TRPC5: variants seen among roughly 807,000 people sequenced by gnomAD.
The protein encoded by TRPC5 is short transient receptor potential channel 5.
In TRPC5, 9 loss-of-function variants were observed where a neutral mutation model predicts 56.5. That is an observed-to-expected ratio of 0.16 (90% CI 0.10 to 0.28). TRPC5 has a LOEUF of 0.28. Among genes scored for constraint, TRPC5 ranks in the 10% least tolerant of loss-of-function variants. TRPC5 has a pLI of 1.00. For missense variants in TRPC5, 469 were observed against 748.9 expected, an observed-to-expected ratio of 0.63 and a Z score of 4.36; for synonymous variants, 282 against 278.5, an observed-to-expected ratio of 1.01 and a Z score of -0.13.
chrX:112,007,476 A>G (rs1410170854), intron 1 of TRPC5, among the ~76,000 whole-genome samples: 1 of 111,330 alleles, frequency 9.0e-6, no homozygotes, highest in Non-Finnish European at 1.9e-5. Context: ...CTTTCCTTCA[A>G]TATGCTTTCT....
intron 1 of TRPC5, among the ~76,000 whole-genome samples, chrX:112,023,430 G>A (rs1440762976): frequency 1.8e-5 from 2 of 108,118 alleles, no homozygotes; most frequent in Non-Finnish European, 3.8e-5. Context: ...GACAAAGATC[G>A]TGATTCTGTG....
At chrX:111,931,722 C>G in intron 2 of TRPC5, among the ~76,000 whole-genome samples, 1 of 111,651 alleles carries the variant, frequency 9.0e-6, no homozygotes, top group Non-Finnish European at 1.9e-5. Context: ...ATGGTGGCTA[C>G]AAACATTAAA....
chrX:111,995,411 T>C (rs1285604620), intron 1 of TRPC5, among the ~76,000 whole-genome samples: 4 of 112,071 alleles, frequency 3.6e-5, no homozygotes, highest in Admixed American at 9.5e-5. Flanking sequence ...ATCAGGTATA[T>C]TGGTCTAAAA....
intron 1 of TRPC5, among the ~76,000 whole-genome samples, chrX:112,011,741 A>G (rs1278217381): frequency 9.0e-6 from 1 of 111,043 alleles, no homozygotes; most frequent in African/African-American, 3.3e-5. Context: ...CACTAAGCCA[A>G]AATAGAGCAT....
chrX:111,785,119 G>T (rs934449403), intron 7 of TRPC5, among the ~76,000 whole-genome samples: 1 of 112,431 alleles, frequency 8.9e-6, no homozygotes, highest in East Asian at 2.8e-4. Context: ...TCCTCAAGTG[G>T]GACCCTGACC....
chrX:111,975,810 A>C (rs1354112437), intron 1 of TRPC5, among the ~76,000 whole-genome samples: 1 of 112,120 alleles, frequency 8.9e-6, no homozygotes, highest in Non-Finnish European at 1.9e-5. Flanking sequence ...AGGCTGAGGC[A>C]GGAGAATGGA....
intron 3 of TRPC5, among the ~76,000 whole-genome samples, chrX:111,909,271 A>C (rs1925735486): frequency 9.2e-6 from 1 of 108,397 alleles, no homozygotes; most frequent in Admixed American, 9.9e-5. Context: ...CGGAGGTTGC[A>C]GTAAGCTGAG....
Position 111,776,005 on chromosome X carries a change from G to C in TRPC5, c.*308C>G, listed in dbSNP as rs937377508. On this transcript the variant is annotated 3_prime_UTR_variant, in exon 11 of 11. Coordinates refer to ENST00000262839, the MANE Select transcript of TRPC5 (RefSeq NM_012471.3). ...GGCACCTGGGGCTTCAAGGAAGCAT[G>C]GGTGAGAAAAGCAAAGCAAAAAGGT... 3 of 193,623 alleles carry C rather than the reference G, an allele frequency of 1.5e-5. No homozygotes were observed. The highest frequency in any genetic ancestry group is 8.9e-5 in the African/African-American group (3 of 33,641). 16.0% of individuals were successfully genotyped at this position (193,623 alleles called of 1,213,427 possible). A position where few individuals can be genotyped will look rare whatever the true frequency, so the allele number is the denominator to read the frequency against.
intron 3 of TRPC5, among the ~76,000 whole-genome samples, chrX:111,905,914 C>CA (rs1202912083): frequency 0.04 from 1,466 of 36,861 alleles, 25 homozygotes; most frequent in East Asian, 0.046. Context: ...GTCTCTGTCT[C>CA]AAAAAAAAAA....
At chrX:111,794,742 G>C (rs933678161) in intron 7 of TRPC5, among the ~76,000 whole-genome samples, 9 of 111,139 alleles carry the variant, frequency 8.1e-5, no homozygotes, top group Non-Finnish European at 1.9e-5. Flanking sequence ...TGAAGCAAAA[G>C]GGGGAAAGGC....
At chrX:111,907,813 C>A (rs1466198140) in intron 3 of TRPC5, among the ~76,000 whole-genome samples, 2 of 110,269 alleles carry the variant, frequency 1.8e-5, no homozygotes, top group Non-Finnish European at 3.8e-5. Flanking sequence ...AAAATCATGA[C>A]TTTTTTATGC....
chrX:111,881,973 C>CA (rs1924246087), intron 3 of TRPC5: 1 of 110,963 alleles, frequency 9.0e-6, no homozygotes, highest in African/African-American at 3.3e-5. Context: ...CTTCTGGCTG[C>CA]AAAGAGCCTA....
chrX:111,989,971 G>C (rs777938248), intron 1 of TRPC5, among the ~76,000 whole-genome samples: 5 of 112,566 alleles, frequency 4.4e-5, no homozygotes, highest in Non-Finnish European at 9.4e-5. Flanking sequence ...AAGGTTTCTT[G>C]GATTGGGAGA....
chrX:112,074,453 C>A (rs1228860825), intron 1 of TRPC5, among the ~76,000 whole-genome samples: 1 of 110,337 alleles, frequency 9.1e-6, no homozygotes, highest in Non-Finnish European at 1.9e-5. Context: ...TCCGGAATTC[C>A]TACACACCAT....
chrX:112,033,377 TAG>T (rs1929639341), intron 1 of TRPC5, among the ~76,000 whole-genome samples: 1 of 109,073 alleles, frequency 9.2e-6, no homozygotes, highest in African/African-American at 3.4e-5. Flanking sequence ...ATTAAAAAAA[TAG>T]AGGTTTTATC....
intron 1 of TRPC5, among the ~76,000 whole-genome samples, chrX:112,019,340 G>C (rs1929206959): frequency 8.9e-6 from 1 of 112,353 alleles, no homozygotes; most frequent in African/African-American, 3.2e-5. Context: ...TATTGAGGAA[G>C]TAGCCACAGG....
intron 2 of TRPC5, among the ~76,000 whole-genome samples, chrX:111,925,674 T>G (rs1926238618): frequency 8.9e-6 from 1 of 112,034 alleles, no homozygotes; most frequent in South Asian, 3.7e-4. Context: ...TTTCCCAAAT[T>G]GAAGAATTGT....
intron 7 of TRPC5, among the ~76,000 whole-genome samples, chrX:111,806,735 T>A (rs1054880874): frequency 2.7e-5 from 3 of 112,195 alleles, no homozygotes; most frequent in African/African-American, 9.7e-5. Flanking sequence ...ATCAAGCTAA[T>A]TAACATATCC....
At chrX:112,019,178 A>G (rs1421896089) in intron 1 of TRPC5, among the ~76,000 whole-genome samples, 3 of 112,345 alleles carry the variant, frequency 2.7e-5, no homozygotes, top group Non-Finnish European at 5.6e-5. Flanking sequence ...GTGTATATAC[A>G]CCAGCGACTG....
Sources: allele counts gnomAD v4.1 joint callset (sites outside exome capture counted in the v4.1 genomes callset), GRCh38; gene constraint gnomAD v4.1.1; transcripts MANE v1.5; gene names NCBI Gene and HGNC (gene_info 2026-07-23, HGNC 2026-07-21).